The following KIF6 variants were observed in gnomAD, a reference collection of about 807,000 sequenced individuals.
The protein encoded by KIF6 is kinesin-like protein KIF6.
A neutral mutation model predicts 112.7 loss-of-function variants in KIF6; 106 were observed. The observed-to-expected ratio is 0.94, with a 90% CI of 0.80 to 1.11. The LOEUF (loss-of-function observed/expected upper bound fraction) is 1.11. Among genes scored for constraint, KIF6 ranks in the 50% least tolerant of loss-of-function variants. The probability of loss-of-function intolerance (pLI) is 0.00; values close to 1 mark genes in which losing one functional copy is unlikely to be tolerated. For missense variants in KIF6, 929 were observed against 964.0 expected (o/e 0.96, Z 0.48); for synonymous variants, 339 against 339.9 (o/e 1.00, Z 0.03).
At chr6:39,358,974 A>G (rs758423219) in intron 18 of KIF6, among the ~76,000 whole-genome samples, 1 of 152,240 alleles carries the variant, frequency 6.6e-6, no homozygotes, top group Non-Finnish European at 1.5e-5. Context: ...TACATGTATT[A>G]CTATACCATA....
At chr6:39,426,215 C>A (rs1306109939) in intron 14 of KIF6, among the ~76,000 whole-genome samples, 1 of 152,134 alleles carries the variant, frequency 6.6e-6, no homozygotes, top group East Asian at 1.9e-4. Flanking sequence ...ATGAGTCATG[C>A]CTGGAAAATG....
At chr6:39,639,557 T>G in intron 4 of KIF6, 53 bp downstream of exon 4, 1 of 1,379,702 alleles carries the variant, frequency 7.2e-7, no homozygotes, top group South Asian at 1.6e-5. Flanking sequence ...GCTTTCAGTA[T>G]ATTTTTGCTG....
chr6:39,503,015 T>TC (rs1004484047), intron 13 of KIF6, among the ~76,000 whole-genome samples: 7 of 151,886 alleles, frequency 4.6e-5, no homozygotes, highest in African/African-American at 1.7e-4. Context: ...AGAACTCTCC[T>TC]CCCCAAAACA....
chr6:39,544,638 T>C lies in KIF6; in HGVS notation c.1343A>G (p.Lys448Arg). The change falls in exon 12 of 23, where the codon AAA (lysine) becomes AGA (arginine). Residue 448 changes from lysine to arginine, a missense_variant. Lys to Arg is a conservative substitution (Grantham distance 26). This residue lies in a region of KIF6 where 688 missense variants were observed against 662.7 expected (regional missense o/e 1.04). Transcript: ENST00000287152. ...TAATGGTTCTTGACAATCTTGGTCT[T>C]TGCTTTCAGAGGAGACTGTATTGTT... ...LENNTVSSES[K>R]DQDCQEPLKE... is the part of the protein sequence containing the mutation. The C allele has an allele frequency of 6.2e-7, 1 of 1,612,656 alleles. No individual in the cohort carries two copies. The highest frequency in any genetic ancestry group is 8.5e-7 in the Non-Finnish European group (1 of 1,179,198).
intron 4 of KIF6, among the ~76,000 whole-genome samples, chr6:39,635,225 A>G (rs927410716): frequency 6.6e-6 from 1 of 152,048 alleles, no homozygotes; most frequent in East Asian, 1.9e-4. Flanking sequence ...GTCAATATAC[A>G]CTTACAATGA....
At chr6:39,453,010 T>C (rs2150410254) in intron 13 of KIF6, among the ~76,000 whole-genome samples, 1 of 152,364 alleles carries the variant, frequency 6.6e-6, no homozygotes, top group African/African-American at 2.4e-5. Context: ...AAAGAATCAG[T>C]GATGACGGAT....
At chr6:39,346,116 C>CCTCTCT (rs1562113208) in intron 20 of KIF6, among the ~76,000 whole-genome samples, 208 of 17,820 alleles carry the variant, frequency 0.012, 3 homozygotes, top group Non-Finnish European at 0.014. Context: ...CCTCCCTCTC[C>CCTCTCT]CTCTCCCTCC....
At chr6:39,373,195 T>C (rs368938387) in intron 16 of KIF6, among the ~76,000 whole-genome samples, 193 of 152,340 alleles carry the variant, frequency 1.3e-3, no homozygotes, top group African/African-American at 4.1e-3. Context: ...TTCTGCACAG[T>C]TGCATGATGA....
chr6:39,644,395 A>G (rs1015479292), intron 3 of KIF6, among the ~76,000 whole-genome samples: 14 of 152,166 alleles, frequency 9.2e-5, no homozygotes, highest in African/African-American at 3.1e-4. Context: ...TTATTTAGCC[A>G]AAAAGTGGAA....
rs781444784 is a variant in KIF6, at chr6:39,544,672, T to C, written c.1309A>G (p.Ile437Val). 3.1e-6 allele frequency: 5 copies of C among 1,600,574 alleles called. No homozygotes were observed. In the Admixed American group the frequency reaches 7.0e-5, roughly 23 times the overall value. The change falls in exon 12 of 23, where the codon ATC becomes GTC. Residue 437 changes from isoleucine (I) to valine (V), a missense_variant. Physicochemically the swap from Ile to Val is conservative, Grantham distance 29. Coordinates refer to ENST00000287152, the MANE Select transcript of KIF6 (RefSeq NM_145027.6). ...HLKKLLNDKK[I>V]LENNTVSSES... is the part of the protein sequence containing the mutation. Reference sequence around the variant, plus strand: ...GAGGAGACTGTATTGTTTTCAAGGATCTTCTTGTCATTCAATAGTTTCTGT... The same window carrying C: ...GAGGAGACTGTATTGTTTTCAAGGACCTTCTTGTCATTCAATAGTTTCTGT...
intron 1 of KIF6, among the ~76,000 whole-genome samples, chr6:39,722,758 G>A (rs564516204): frequency 1.7e-4 from 26 of 152,238 alleles, no homozygotes; most frequent in African/African-American, 5.3e-4. Flanking sequence ...TTTTAAGGGC[G>A]AACAGGGATA....
At chr6:39,555,638 T>C (rs1215606514) in intron 10 of KIF6, among the ~76,000 whole-genome samples, 1 of 152,026 alleles carries the variant, frequency 6.6e-6, no homozygotes, top group Non-Finnish European at 1.5e-5. Context: ...TTTAGAGCCA[T>C]TTGCAGAGAG....
intron 15 of KIF6, among the ~76,000 whole-genome samples, chr6:39,408,729 G>A (rs969821884): frequency 6.6e-6 from 1 of 152,246 alleles, no homozygotes; most frequent in South Asian, 2.1e-4. Flanking sequence ...TGGGGCAGGG[G>A]CATGATTGGT....
intron 7 of KIF6, among the ~76,000 whole-genome samples, chr6:39,594,598 G>A (rs567755635): frequency 4.4e-4 from 67 of 152,264 alleles, no homozygotes; most frequent in African/African-American, 1.5e-3. Context: ...GTGTGGCCAT[G>A]TGCACCTTGT....
intron 13 of KIF6, among the ~76,000 whole-genome samples, chr6:39,480,232 G>A (rs1774708406): frequency 1.3e-5 from 2 of 152,050 alleles, no homozygotes; most frequent in Admixed American, 1.3e-4. Context: ...TCCCTTGTAT[G>A]CTGATTTTTC....
At chr6:39,551,598 CAT>C (rs1215769761) in intron 10 of KIF6, among the ~76,000 whole-genome samples, 16 of 152,050 alleles carry the variant, frequency 1.1e-4, no homozygotes, top group African/African-American at 2.9e-4. Flanking sequence ...CAAAATATCA[CAT>C]GTCCTATAAA....
intron 3 of KIF6, 113 bp downstream of exon 3, chr6:39,714,579 C>G: frequency 1.5e-6 from 1 of 683,100 alleles, no homozygotes; most frequent in East Asian, 2.7e-5. Context: ...CATTACATGT[C>G]CTGCAGCCTA....
At chr6:39,443,400 A>G (rs1772079691) in intron 13 of KIF6, among the ~76,000 whole-genome samples, 1 of 152,008 alleles carries the variant, frequency 6.6e-6, no homozygotes. Context: ...TAAATTAGGA[A>G]TGGATTCACT....
Position 39,478,095 on chromosome 6 carries a change from A to G in KIF6, c.1646-46934T>C, listed in dbSNP as rs757999291. 1.2e-3 allele frequency among the ~76,000 whole-genome samples: 190 copies of G among 152,252 alleles called. 2 individuals are homozygous for G. The highest frequency in any genetic ancestry group is 2.4e-3 in the Non-Finnish European group (161 of 68,020). ...TGGGGAACAGGTGGTATTTGGTTAC[A>G]TGAGTAAGTTCTCCAGTGGTAATTT... On this transcript the variant is annotated intron_variant, in intron 13 of 22. Transcript: ENST00000287152.
Sources: allele counts gnomAD v4.1 joint callset (sites outside exome capture counted in the v4.1 genomes callset), GRCh38; gene constraint gnomAD v4.1.1; regional missense constraint gnomAD v4.1.1; transcripts MANE v1.5; gene names NCBI Gene and HGNC (gene_info 2026-07-23, HGNC 2026-07-21).